The following BTBD9 variants were observed in gnomAD, a reference collection of about 807,000 sequenced individuals.
BTBD9 encodes the protein BTB domain containing 9, also known as BTB/POZ domain-containing protein 9.
A neutral mutation model predicts 64.3 loss-of-function variants in BTBD9; 49 were observed. The observed-to-expected ratio is 0.76, with a 90% CI of 0.61 to 0.97. The LOEUF (loss-of-function observed/expected upper bound fraction) is 0.97. BTBD9 is among the 50% of genes least tolerant of loss of function. The pLI, the probability that BTBD9 is intolerant of heterozygous loss-of-function variation, is 0.00. For missense variants in BTBD9, 598 were observed against 762.1 expected (o/e 0.78, Z 2.53); for synonymous variants, 260 against 274.7 (o/e 0.95, Z 0.53).
intron 6 of BTBD9, among the ~76,000 whole-genome samples, chr6:38,538,607 AAC>A (rs1408780825): frequency 6.6e-6 from 1 of 151,950 alleles, no homozygotes; most frequent in Non-Finnish European, 1.5e-5. Context: ...TACCTTAGTA[AAC>A]AGTCCTTTGT....
intron 8 of BTBD9, among the ~76,000 whole-genome samples, chr6:38,287,584 A>T (rs1761793825): frequency 6.6e-6 from 1 of 152,204 alleles, no homozygotes; most frequent in South Asian, 2.1e-4. Context: ...TTTGTAGCCT[A>T]GGAGCAACAG....
chr6:38,354,933 G>T (rs937880164), intron 6 of BTBD9, among the ~76,000 whole-genome samples: 2 of 151,952 alleles, frequency 1.3e-5, no homozygotes, highest in African/African-American at 4.8e-5. Context: ...GAGAGAGAGA[G>T]AGAGGAGACA....
chr6:38,387,218 G>A (rs1489765787), intron 6 of BTBD9, among the ~76,000 whole-genome samples: 5 of 152,200 alleles, frequency 3.3e-5, no homozygotes, highest in Non-Finnish European at 7.4e-5. Context: ...GTTACAGGGA[G>A]AGACTATAGT....
chr6:38,235,835 G>T (rs941973640), intron 9 of BTBD9, among the ~76,000 whole-genome samples: 1 of 152,174 alleles, frequency 6.6e-6, no homozygotes, highest in African/African-American at 2.4e-5. Context: ...GGCACTCTGT[G>T]AAGCATATGA....
At chr6:38,482,951 T>C (rs1771228213) in intron 6 of BTBD9, among the ~76,000 whole-genome samples, 3 of 152,120 alleles carry the variant, frequency 2.0e-5, no homozygotes, top group Admixed American at 2.0e-4. Context: ...ACCTCAATTC[T>C]ACCTAAAGTC....
intron 10 of BTBD9, among the ~76,000 whole-genome samples, chr6:38,180,672 C>A (rs140753252): frequency 6.6e-6 from 1 of 152,236 alleles, no homozygotes; most frequent in African/African-American, 2.4e-5. Flanking sequence ...TGGGCAGAGC[C>A]GCACTACTCA....
At chr6:38,374,731 A>G (rs1394997573) in intron 6 of BTBD9, among the ~76,000 whole-genome samples, 1 of 152,172 alleles carries the variant, frequency 6.6e-6, no homozygotes, top group African/African-American at 2.4e-5. Flanking sequence ...CCTGCATAGA[A>G]ATCAGCACGA....
chr6:38,441,832 T>C (rs1029947931), intron 6 of BTBD9, among the ~76,000 whole-genome samples: 12 of 152,274 alleles, frequency 7.9e-5, no homozygotes, highest in African/African-American at 2.6e-4. Context: ...CAACAACCTA[T>C]GAAGTGGATG....
intron 9 of BTBD9, among the ~76,000 whole-genome samples, chr6:38,251,415 C>A (rs1764398063): frequency 6.6e-6 from 1 of 151,492 alleles, no homozygotes; most frequent in African/African-American, 2.4e-5. Flanking sequence ...CAGGCACGTG[C>A]CACCAGGCCC....
chr6:38,405,925 A>G (rs960475317), intron 6 of BTBD9, among the ~76,000 whole-genome samples: 2 of 152,190 alleles, frequency 1.3e-5, no homozygotes, highest in African/African-American at 4.8e-5. Context: ...TTGGGGGAAT[A>G]AAAGCTTTGT....
At chr6:38,413,837 CT>C (rs1263638013) in intron 6 of BTBD9, among the ~76,000 whole-genome samples, 4 of 152,096 alleles carry the variant, frequency 2.6e-5, no homozygotes, top group African/African-American at 9.7e-5. Flanking sequence ...CACTGACCTA[CT>C]GTGTAACCTT....
intron 6 of BTBD9, among the ~76,000 whole-genome samples, chr6:38,388,220 A>C (rs961010071): frequency 9.7e-5 from 6 of 62,046 alleles, no homozygotes; most frequent in African/African-American, 4.2e-4. Context: ...TGCCCCTGAC[A>C]AAAAAAAAAA....
intron 6 of BTBD9, among the ~76,000 whole-genome samples, chr6:38,511,625 A>G (rs961149898): frequency 6.6e-6 from 1 of 152,050 alleles, no homozygotes; most frequent in Non-Finnish European, 1.5e-5. Flanking sequence ...TACAGGCATG[A>G]GCCACCGCTC....
intron 3 of BTBD9, among the ~76,000 whole-genome samples, chr6:38,593,369 C>T (rs1369472608): frequency 6.6e-6 from 1 of 152,094 alleles, no homozygotes; most frequent in Non-Finnish European, 1.5e-5. Context: ...TTAATTTACA[C>T]TCAAATCAAG....
At chr6:38,468,918 T>C (rs1053247287) in intron 6 of BTBD9, among the ~76,000 whole-genome samples, 3 of 152,202 alleles carry the variant, frequency 2.0e-5, no homozygotes, top group Non-Finnish European at 2.9e-5. Flanking sequence ...CCAAAATATT[T>C]AACTTTGACT....
chr6:38,497,894 C>T (rs1772023205), intron 6 of BTBD9, among the ~76,000 whole-genome samples: 1 of 152,150 alleles, frequency 6.6e-6, no homozygotes, highest in Admixed American at 6.5e-5. Flanking sequence ...AGTCAAACTG[C>T]AAGCAACCCA....
chr6:38,538,315 G>A (rs1774115384), intron 6 of BTBD9, among the ~76,000 whole-genome samples: 1 of 152,026 alleles, frequency 6.6e-6, no homozygotes, highest in Non-Finnish European at 1.5e-5. Context: ...ATTACTTTGG[G>A]GAAATTAAGG....
rs1341538342 is a variant in BTBD9, at chr6:38,500,225, T to C, written c.1154+77375A>G. Among the ~76,000 whole-genome samples the C allele has an allele frequency of 2.2e-5, 2 of 88,922 alleles. 1 individual carries two copies. Among genetic ancestry groups the C allele is most frequent in the Middle Eastern group, 0.013 (2 of 156 alleles). The allele number at this position is 88,922 out of a possible 152,430, so 58.3% of individuals were successfully genotyped here. ...ATAACAAATTGTATTTTCCACATAT[T>C]GGGGGATGGAGGGGGGAGGAAAAGG... is the stretch of plus-strand genomic sequence containing the variant. On this transcript the variant is annotated intron_variant, in intron 6 of 10. Coordinates refer to ENST00000481247, the MANE Select transcript of BTBD9 (RefSeq NM_001099272.2).
chr6:38,304,191 G>A (rs923953569), intron 7 of BTBD9, among the ~76,000 whole-genome samples: 1 of 151,648 alleles, frequency 6.6e-6, no homozygotes, highest in Non-Finnish European at 1.5e-5. Context: ...TCAAGAAACA[G>A]CTTTTACTAG....
Sources: gnomAD v4.1 joint callset for allele counts (sites outside exome capture counted in the v4.1 genomes callset) on GRCh38, gnomAD v4.1.1 for gene constraint, MANE v1.5 for transcripts, NCBI Gene and HGNC (gene_info 2026-07-23, HGNC 2026-07-21) for gene names.